Variants in TMEM163 observed in about 807,000 individuals in gnomAD.
The protein encoded by TMEM163 is transmembrane protein 163.
TMEM163 carries 17 observed loss-of-function variants against 29.3 expected under a neutral mutation model. The observed-to-expected ratio is 0.58, with a 90% CI of 0.40 to 0.87. TMEM163 has a LOEUF of 0.87. TMEM163 is among the 40% of genes least tolerant of loss of function. TMEM163 has a pLI of 0.00. For synonymous variants in TMEM163, 157 were observed against 160.6 expected, an observed-to-expected ratio of 0.98 and a Z score of 0.17; for missense variants, 303 against 381.5, an observed-to-expected ratio of 0.79 and a Z score of 1.71.
intron 5 of TMEM163, among the ~76,000 whole-genome samples, chr2:134,481,258 T>C (rs1679167723): frequency 6.6e-6 from 1 of 152,140 alleles, no homozygotes; most frequent in Non-Finnish European, 1.5e-5. Flanking sequence ...ATCTAAATGC[T>C]TCCCATCGAC....
At chr2:134,700,300 C>G (rs768942482) in intron 2 of TMEM163, among the ~76,000 whole-genome samples, 36 of 152,184 alleles carry the variant, frequency 2.4e-4, no homozygotes, top group Non-Finnish European at 8.8e-5. Flanking sequence ...AAAACACTGA[C>G]TATTTTCTAT....
At chr2:134,467,972 C>T (rs1311085386) in intron 5 of TMEM163, 1 of 152,174 alleles carries the variant, frequency 6.6e-6, no homozygotes, top group African/African-American at 2.4e-5. Context: ...CCAAACCAGG[C>T]CTCTTGACAA....
chr2:134,525,987 T>C (rs966967200), intron 4 of TMEM163, among the ~76,000 whole-genome samples: 12 of 152,160 alleles, frequency 7.9e-5, no homozygotes, highest in Admixed American at 2.6e-4. Context: ...CATCAGGCTG[T>C]TGGAAGGGAT....
chr2:134,632,248 A>G (rs956734804), intron 2 of TMEM163, among the ~76,000 whole-genome samples: 6 of 152,250 alleles, frequency 3.9e-5, no homozygotes, highest in Non-Finnish European at 7.3e-5. Flanking sequence ...TGAGCTAGCA[A>G]GAAAAACCAG....
chr2:134,697,705 A>T lies in TMEM163; in HGVS notation c.322+15495T>A, dbSNP rs536916825. ...GTCTCGAACTCCTGACCTTTTATGA[A>T]CATGGTAAATTACATAATAAACATT... On this transcript the variant is annotated intron_variant, in intron 2 of 7. Transcript: ENST00000281924. Among the ~76,000 whole-genome samples, 7 of 152,208 alleles carry T rather than the reference A, an allele frequency of 4.6e-5. No homozygotes were observed. The East Asian group carries it at 1.4e-3, about 29-fold the overall frequency.
chr2:134,691,808 C>T (rs1684475558), intron 2 of TMEM163, among the ~76,000 whole-genome samples: 1 of 152,240 alleles, frequency 6.6e-6, no homozygotes, highest in South Asian at 2.1e-4. Context: ...TGGCATGTAA[C>T]ATCGCTGGTC....
chr2:134,703,259 A>G (rs1684740905), intron 2 of TMEM163, among the ~76,000 whole-genome samples: 1 of 152,178 alleles, frequency 6.6e-6, no homozygotes. Context: ...GCTGTGCACC[A>G]GGTGAAATGG....
chr2:134,468,132 T>C (rs1392868490), intron 5 of TMEM163: 1 of 152,176 alleles, frequency 6.6e-6, no homozygotes, highest in Non-Finnish European at 1.5e-5. Context: ...GATGCTACAA[T>C]CTGAGTATGT....
intron 5 of TMEM163, among the ~76,000 whole-genome samples, chr2:134,498,419 G>T (rs1679623263): frequency 6.7e-6 from 1 of 148,548 alleles, no homozygotes; most frequent in African/African-American, 2.5e-5. Context: ...GTGCAATCTG[G>T]TTCAAGCAAT....
intron 4 of TMEM163, among the ~76,000 whole-genome samples, chr2:134,539,070 T>C (rs535542053): frequency 4.6e-5 from 7 of 152,318 alleles, no homozygotes; most frequent in African/African-American, 9.6e-5. Context: ...CCCCCATGTA[T>C]TGAGTACCTA....
Position 134,713,324 on chromosome 2 carries a change from C to A in TMEM163, c.203-5G>T. 1 of 1,612,484 alleles carries A rather than the reference C, an allele frequency of 6.2e-7. No individual in the cohort carries two copies. Among genetic ancestry groups the A allele is most frequent in the East Asian group, 2.2e-5 (1 of 44,864 alleles). ...GGGTGCTGCTTTCTAGTAAGCCTGA[C>A]AAAAACAAGGAGAAAGGGAAGTTAG... On this transcript the variant is annotated splice_region_variant and splice_polypyrimidine_tract_variant and intron_variant, in intron 1 of 7. Coordinates refer to ENST00000281924, the MANE Select transcript of TMEM163 (RefSeq NM_030923.5).
intron 5 of TMEM163, among the ~76,000 whole-genome samples, chr2:134,486,629 T>G (rs768358127): frequency 1.3e-5 from 2 of 152,172 alleles, no homozygotes; most frequent in Non-Finnish European, 2.9e-5. Context: ...CTTCAAAAAG[T>G]AACAGGCCCG....
intron 2 of TMEM163, among the ~76,000 whole-genome samples, chr2:134,604,438 A>G (rs1682305267): frequency 5.1e-5 from 1 of 19,622 alleles, no homozygotes; most frequent in South Asian, 7.7e-4. Flanking sequence ...TTTTACTGGA[A>G]AAAAAAAAAA....
intron 2 of TMEM163, among the ~76,000 whole-genome samples, chr2:134,620,359 C>T (rs1000046773): frequency 6.6e-6 from 1 of 151,894 alleles, no homozygotes; most frequent in Non-Finnish European, 1.5e-5. Flanking sequence ...CGGGTTCAAG[C>T]GCTTCTCCTG....
chr2:134,582,619 A>G (rs1240952653), intron 2 of TMEM163, among the ~76,000 whole-genome samples: 2 of 152,212 alleles, frequency 1.3e-5, no homozygotes, highest in African/African-American at 2.4e-5. Flanking sequence ...CCCAAGCCCA[A>G]GCTGGTGCAT....
chr2:134,701,736 G>A lies in TMEM163; in HGVS notation c.322+11464C>T, dbSNP rs148376004. 7.4e-4 allele frequency among the ~76,000 whole-genome samples: 112 copies of A among 151,972 alleles called. 2 individuals carry two copies. The East Asian group carries it at 0.015, about 20-fold the overall frequency. On this transcript the variant is annotated intron_variant, in intron 2 of 7. Coordinates refer to ENST00000281924, the MANE Select transcript of TMEM163 (RefSeq NM_030923.5). The stretch of plus-strand genomic sequence containing the variant: ...AGTTCGAGACCAGTCTGGCCAACAC[G>A]GTAAAACCCCATCTCTACTAAAAAT...
chr2:134,499,364 A>G (rs17787563), intron 5 of TMEM163, among the ~76,000 whole-genome samples: 20,207 of 152,254 alleles, frequency 0.13, 1,683 homozygotes, highest in Middle Eastern at 0.3. Context: ...GGCCACACAC[A>G]TCCCGGCTTC....
intron 6 of TMEM163, chr2:134,459,392 T>A (rs546953319): frequency 1.0e-5 from 1 of 95,980 alleles, no homozygotes; most frequent in Non-Finnish European, 2.0e-5. Context: ...TACCTCATAT[T>A]CCCCACACCA....
chr2:134,697,896 C>T (rs968636336), intron 2 of TMEM163, among the ~76,000 whole-genome samples: 11 of 152,040 alleles, frequency 7.2e-5, no homozygotes, highest in African/African-American at 4.8e-5. Flanking sequence ...TCTCTGTTGC[C>T]TTTGATTTAG....
Sources: allele counts gnomAD v4.1 joint callset (sites outside exome capture counted in the v4.1 genomes callset), GRCh38; gene constraint gnomAD v4.1.1; transcripts MANE v1.5; gene names NCBI Gene and HGNC (gene_info 2026-07-23, HGNC 2026-07-21).